TRIM25: variants seen among roughly 807,000 people sequenced by gnomAD.
TRIM25 encodes the protein E3 ubiquitin/ISG15 ligase TRIM25.
A neutral mutation model predicts 65.2 loss-of-function variants in TRIM25; 45 were observed. The ratio of observed to expected loss-of-function variants is 0.69; its 90% CI spans 0.54 to 0.89. TRIM25 has a LOEUF of 0.89. Among genes scored for constraint, TRIM25 ranks in the 40% least tolerant of loss-of-function variants. The pLI is 0.00. For synonymous variants in TRIM25, 321 were observed against 340.4 expected, an observed-to-expected ratio of 0.94 and a Z score of 0.63; for missense variants, 714 against 803.7, an observed-to-expected ratio of 0.89 and a Z score of 1.35.
intron 8 of TRIM25, 51 bp from the exon 9 acceptor site, chr17:56,892,280 T>C (rs751593110): frequency 6.6e-7 from 1 of 1,524,392 alleles, no homozygotes; most frequent in East Asian, 2.3e-5. Flanking sequence ...CAAAGTGCTC[T>C]TTTAGACCTT....
chr17:56,892,311 T>G, intron 8 of TRIM25, 82 bp from the exon 9 acceptor site: 1 of 1,465,774 alleles, frequency 6.8e-7, no homozygotes, highest in Non-Finnish European at 9.1e-7. Context: ...GTACTATTTA[T>G]TCACTAGTTT....
Position 56,908,454 on chromosome 17 carries a change from GC to G in TRIM25, c.693+13del. ...CACAGGGCAGGGCTGGCCTTGGAGA[GC>G]CCTGCCACTCACCCGCACATCCTGC... is the stretch of plus-strand genomic sequence containing the variant. On this transcript the variant is annotated intron_variant, in intron 2 of 8. Transcript: ENST00000316881. The G allele has an allele frequency of 2.5e-6, 4 of 1,612,752 alleles. No individual in the cohort carries two copies. Among genetic ancestry groups the G allele is most frequent in the Non-Finnish European group, 3.4e-6 (4 of 1,179,762 alleles).
chr17:56,899,042 GA>G, intron 5 of TRIM25, 72 bp downstream of exon 5: 18 of 1,566,072 alleles, frequency 1.1e-5, no homozygotes, highest in Admixed American at 1.7e-5. Flanking sequence ...GGATGGGCCG[GA>G]AGTGACTTGG....
rs762663360 is a variant in TRIM25 at position 56,895,362 on chromosome 17, G to A, written c.1344C>T (p.Ser448=). 1.2e-6 allele frequency: 2 copies of A among 1,614,132 alleles called. No homozygotes were observed. The highest frequency in any genetic ancestry group is 1.1e-5 in the South Asian group (1 of 91,078). ...ACTCACACTCCAGGAGCTCAGGTCTGGACTTGGCCAGGAAGGTCTCCAGCA... is the reference window on the plus strand; with the variant it reads ...ACTCACACTCCAGGAGCTCAGGTCTAGACTTGGCCAGGAAGGTCTCCAGCA... The part of the protein sequence containing the change: ...AKVLETFLAK[S]RPELLEYYIK... The change falls in exon 8 of 9, where the codon TCC becomes TCT. Residue 448 remains serine (S), a synonymous_variant. Transcript: ENST00000316881.
At chr17:56,895,266 C>T (rs1909267108) in intron 8 of TRIM25, 77 bp downstream of exon 8, 8 of 1,171,420 alleles carry the variant, frequency 6.8e-6, no homozygotes, top group Non-Finnish European at 1.0e-5. Flanking sequence ...GGCCAGCTGG[C>T]CTCACAGAGA....
At chr17:56,910,504 C>A (rs760511947) in intron 1 of TRIM25, among the ~76,000 whole-genome samples, 20 of 152,222 alleles carry the variant, frequency 1.3e-4, no homozygotes, top group Non-Finnish European at 2.2e-4. Flanking sequence ...GACCTCAGAA[C>A]ACCCCAAGGC....
chr17:56,888,939 T>C lies in TRIM25; in HGVS notation c.*2761A>G, dbSNP rs1436964445. 1 of 152,202 alleles carries C rather than the reference T, an allele frequency of 6.6e-6. No homozygotes were observed. The highest frequency in any genetic ancestry group is 2.4e-5 in the African/African-American group (1 of 41,432). 9.4% of individuals were successfully genotyped at this position (152,202 alleles called of 1,614,324 possible). ...AGGAGAACGCCAAACACCGCTTTAT[T>C]GCATTCAAACCTTCTAAGGCACGTC... is the stretch of plus-strand genomic sequence containing the variant. On this transcript the variant is annotated 3_prime_UTR_variant, in exon 9 of 9. Transcript: ENST00000316881.
At chr17:56,899,075 G>T in intron 5 of TRIM25, 40 bp downstream of exon 5, 1 of 1,608,664 alleles carries the variant, frequency 6.2e-7, no homozygotes, top group Non-Finnish European at 8.5e-7. Context: ...GGAGGCCACA[G>T]CCATGCTGTT....
chr17:56,901,497 T>G lies in TRIM25; in HGVS notation c.1009A>C (p.Ile337Leu). ...VELNHKLIKG[I>L]HQSTIDLKNE... ...TTGAGGTCTATGGTGCTCTGGTGGA[T>G]GCCTTTTATCAGCTTGTGGTTCAGT... The change falls in exon 4 of 9, where the codon ATC becomes CTC. Residue 337 changes from isoleucine to leucine, a missense_variant. By Grantham distance (5) the Ile-to-Leu change is conservative. This residue lies in a region of TRIM25 where 413 missense variants were observed against 498.2 expected (regional missense o/e 0.83). Transcript: ENST00000316881. 1 of 1,614,164 alleles carries G rather than the reference T, an allele frequency of 6.2e-7. No individual in the cohort carries two copies. Among genetic ancestry groups the G allele is most frequent in the Admixed American group, 1.7e-5 (1 of 60,028 alleles).
intron 1 of TRIM25, 92 bp from the exon 2 acceptor site, chr17:56,908,655 T>C (rs1232127596): frequency 6.2e-6 from 8 of 1,281,434 alleles, no homozygotes; most frequent in Non-Finnish European, 8.9e-6. Flanking sequence ...GATAGATTCC[T>C]TCCTCTTCCA....
chr17:56,891,572 AG>A lies in TRIM25; in HGVS notation c.*127del. ...AAATCCCACCTCCCACCCTCCCGCC[AG>A]CTCCCCTCCCATGCTCCCAATCCTT... is the stretch of plus-strand genomic sequence containing the variant. On this transcript the variant is annotated 3_prime_UTR_variant, in exon 9 of 9. Coordinates refer to ENST00000316881, the MANE Select transcript of TRIM25 (RefSeq NM_005082.5). The A allele has an allele frequency of 2.8e-5, 6 of 211,994 alleles. No homozygotes were observed. Among genetic ancestry groups the A allele is most frequent in the East Asian group, 1.1e-4 (1 of 9,456 alleles). 13.1% of individuals were successfully genotyped at this position (211,994 alleles called of 1,614,324 possible). A position where few individuals can be genotyped will look rare whatever the true frequency, so the allele number is the denominator to read the frequency against.
In TRIM25 at chr17:56,890,674, T is replaced by C. The variant is rs1005897106; in HGVS notation, c.*1026A>G. ...AGCTTAGCTGGAGGCTTGACTGTGC[T>C]AGCCTCGGTGGTACCTGCACTGTCA... On this transcript the variant is annotated 3_prime_UTR_variant, in exon 9 of 9. Coordinates refer to ENST00000316881, the MANE Select transcript of TRIM25 (RefSeq NM_005082.5). 6.6e-6 allele frequency: 3 copies of C among 456,634 alleles called. No individual in the cohort carries two copies. The highest frequency in any genetic ancestry group is 1.3e-5 in the Non-Finnish European group (3 of 226,938). 28.3% of individuals were successfully genotyped at this position (456,634 alleles called of 1,614,324 possible).
chr17:56,906,831 G>GAAAGAC (rs1909530902), intron 2 of TRIM25, among the ~76,000 whole-genome samples: 6 of 152,174 alleles, frequency 3.9e-5, no homozygotes, highest in African/African-American at 9.7e-5. Flanking sequence ...CTTCTAATGT[G>GAAAGAC]ACTACAAGTG....
At chr17:56,910,713 T>C (rs1338762783) in intron 1 of TRIM25, among the ~76,000 whole-genome samples, 1 of 152,158 alleles carries the variant, frequency 6.6e-6, no homozygotes, top group African/African-American at 2.4e-5. Context: ...GCAAAGGACT[T>C]TTTGAAATCC....
intron 5 of TRIM25, among the ~76,000 whole-genome samples, chr17:56,898,174 G>A (rs1378981704): frequency 1.3e-5 from 2 of 151,690 alleles, no homozygotes; most frequent in African/African-American, 4.9e-5. Flanking sequence ...GCGGTATATG[G>A]ACATCTCAGC....
chr17:56,893,409 C>G (rs1909223772), intron 8 of TRIM25, among the ~76,000 whole-genome samples: 1 of 152,200 alleles, frequency 6.6e-6, no homozygotes, highest in South Asian at 2.1e-4. Context: ...CCGCCGCTAG[C>G]AGCTTGGGCA....
At chr17:56,895,121 G>T (rs114863269) in intron 8 of TRIM25, among the ~76,000 whole-genome samples, 165 of 152,300 alleles carry the variant, frequency 1.1e-3, no homozygotes, top group African/African-American at 3.9e-3. Context: ...CAGACTAGAC[G>T]GCAAGAGGGA....
chr17:56,891,561 A>ACCCCCCC lies in TRIM25; in HGVS notation c.*138_*139insGGGGGGG. On this transcript the variant is annotated 3_prime_UTR_variant, in exon 9 of 9. Coordinates refer to ENST00000316881, the MANE Select transcript of TRIM25 (RefSeq NM_005082.5). ...CTTTCCTGGCTAAATCCCACCTCCC[A>ACCCCCCC]CCCTCCCGCCAGCTCCCCTCCCATG... The ACCCCCCC allele has an allele frequency of 4.4e-6, 1 of 229,718 alleles. No individual in the cohort carries two copies. Among genetic ancestry groups the ACCCCCCC allele is most frequent in the Non-Finnish European group, 8.5e-6 (1 of 117,982 alleles). The allele number at this position is 229,718 out of a possible 1,614,324, so 14.2% of individuals were successfully genotyped here.
chr17:56,901,006 G>A (rs528951478), intron 4 of TRIM25, among the ~76,000 whole-genome samples: 1 of 152,302 alleles, frequency 6.6e-6, no homozygotes, highest in African/African-American at 2.4e-5. Flanking sequence ...GAGATTGAAA[G>A]AAGTGAAATT....
Sources: gnomAD v4.1 joint callset for allele counts (sites outside exome capture counted in the v4.1 genomes callset) on GRCh38, gnomAD v4.1.1 for gene constraint, gnomAD v4.1.1 regional missense constraint, MANE v1.5 for transcripts, NCBI Gene and HGNC (gene_info 2026-07-23, HGNC 2026-07-21) for gene names.